The following WNK2 variants were observed in gnomAD, a reference collection of about 807,000 sequenced individuals.
The protein encoded by WNK2 is WNK lysine deficient protein kinase 2, also known as serine/threonine-protein kinase WNK2.
A neutral mutation model predicts 192.1 loss-of-function variants in WNK2; 67 were observed. The ratio of observed to expected loss-of-function variants is 0.35; its 90% CI spans 0.29 to 0.43. The LOEUF (loss-of-function observed/expected upper bound fraction) is 0.43, where lower values mean the gene tolerates loss of function less well. WNK2 is among the 20% of genes least tolerant of loss of function. The probability of loss-of-function intolerance (pLI) is 1.00; values close to 1 mark genes in which losing one functional copy is unlikely to be tolerated. For missense variants in WNK2, 2,698 were observed against 3,089.7 expected, an observed-to-expected ratio of 0.87 and a Z score of 3.01; for synonymous variants, 1,439 against 1,393.9, an observed-to-expected ratio of 1.03 and a Z score of -0.72.
chr9:93,211,909 T>A (rs914277651), intron 2 of WNK2, among the ~76,000 whole-genome samples: 2 of 147,562 alleles, frequency 1.4e-5, no homozygotes, highest in African/African-American at 5.2e-5. Flanking sequence ...TTCACTCCCA[T>A]CCACTCACTC....
intron 4 of WNK2, among the ~76,000 whole-genome samples, chr9:93,232,338 C>T (rs748154090): frequency 8.5e-5 from 13 of 152,166 alleles, no homozygotes; most frequent in Non-Finnish European, 1.5e-4. Flanking sequence ...AGCGTAGGGG[C>T]TGACCCAGGG....
chr9:93,245,920 G>T (rs1841597529), intron 7 of WNK2, among the ~76,000 whole-genome samples: 1 of 152,184 alleles, frequency 6.6e-6, no homozygotes, highest in Admixed American at 6.5e-5. Flanking sequence ...CCTCTGCATA[G>T]GGTCATTTGT....
At chr9:93,211,124 CCTCACTTACTCATCCACTCA>C (rs1834454483) in intron 2 of WNK2, among the ~76,000 whole-genome samples, 1 of 8,720 alleles carries the variant, frequency 1.1e-4, no homozygotes, top group African/African-American at 4.2e-4. Context: ...TCACTCATCC[CCTCACTTACTCATCCACTCA>C]CTTATTCACT....
chr9:93,185,105 C>A lies in WNK2; in HGVS notation c.176C>A (p.Ala59Glu). ...CAGGAGGAGCCGCCGGGCTTGGAGG[C>A]AGCCGAGGCGCCGGGCCCGCAGCCC... ...SDQEEPPGLE[A>E]AEAPGPQPPQ... The change falls in exon 2 of 30, where the codon GCA becomes GAA. Residue 59 changes from alanine (A) to glutamate (E), a missense_variant. By Grantham distance (107) the Ala-to-Glu change is moderately radical (BLOSUM62 -1). This residue lies in a region of WNK2 where 260 missense variants were observed against 285.6 expected (regional missense o/e 0.91). Coordinates refer to ENST00000427277, the MANE Select transcript of WNK2 (RefSeq NM_006648.4). 7.6e-7 allele frequency: 1 copy of A among 1,313,800 alleles called. No individual in the cohort carries two copies. The highest frequency in any genetic ancestry group is 3.4e-5 in the East Asian group (1 of 29,218). 81.4% of individuals were successfully genotyped at this position (1,313,800 alleles called of 1,614,324 possible). A position where few individuals can be genotyped will look rare whatever the true frequency, so the allele number is the denominator to read the frequency against.
At chr9:93,317,915 G>A in intron 29 of WNK2, 2 of 1,598,318 alleles carry the variant, frequency 1.3e-6, no homozygotes, top group Non-Finnish European at 8.5e-7. Context: ...GTGTGGTTTG[G>A]CCTCCGAGTC....
intron 4 of WNK2, 64 bp from the exon 5 acceptor site, chr9:93,234,744 C>T: frequency 1.3e-6 from 2 of 1,556,130 alleles, no homozygotes; most frequent in South Asian, 2.4e-5. Flanking sequence ...TCCCGGGACA[C>T]TGGCTCCAGC....
chr9:93,221,288 C>T (rs1836836601), intron 2 of WNK2, among the ~76,000 whole-genome samples: 1 of 152,198 alleles, frequency 6.6e-6, no homozygotes, highest in Non-Finnish European at 1.5e-5. Flanking sequence ...GCACCACCCC[C>T]ATTGCATGTG....
chr9:93,263,144 GA>G (rs1844568022), intron 14 of WNK2: 1 of 377,046 alleles, frequency 2.7e-6, no homozygotes, highest in African/African-American at 2.1e-5. Context: ...GTCCTTATTT[GA>G]ACTGTGACCA....
intron 23 of WNK2, 25 bp from the exon 24 acceptor site, chr9:93,297,818 AGCCCATCGGC>A: frequency 6.5e-7 from 1 of 1,540,428 alleles, no homozygotes. Flanking sequence ...ACACCGAGGA[AGCCCATCGGC>A]GCTCCCTCCT....
intron 7 of WNK2, among the ~76,000 whole-genome samples, chr9:93,240,937 G>A (rs1365098938): frequency 2.0e-5 from 3 of 152,238 alleles, no homozygotes; most frequent in African/African-American, 4.8e-5. Flanking sequence ...AATGCAGGAC[G>A]TTTCTGGCCT....
chr9:93,319,252 A>T, intron 29 of WNK2: 1 of 1,567,022 alleles, frequency 6.4e-7, no homozygotes, highest in Non-Finnish European at 8.7e-7. Flanking sequence ...TCCATATAAA[A>T]TCCAAAGCAA....
chr9:93,297,927 A>G lies in WNK2; in HGVS notation c.5783A>G (p.Lys1928Arg), dbSNP rs1218282614. 46 of 1,590,168 alleles carry G rather than the reference A, an allele frequency of 2.9e-5. No individual in the cohort carries two copies. Among genetic ancestry groups the G allele is most frequent in the Non-Finnish European group, 3.8e-5 (44 of 1,169,720 alleles). The change falls in exon 24 of 30, where the codon AAG becomes AGG. Residue 1928 changes from lysine to arginine, a missense_variant. Physicochemically the swap from Lys to Arg is conservative, Grantham distance 26 (BLOSUM62 2). Around this residue, in one of 7 missense-constraint regions of WNK2, gnomAD observed 1,098 missense variants for 1,101.0 expected, o/e 1.00. Transcript: ENST00000427277. ...EIEALYRRLG[K>R]PLPPNVGFFH... ...GAAGCTCTGTACCGCCGCCTGGGCA[A>G]GCCACTGCCCCCCAACGTGGGCTTC... is the stretch of plus-strand genomic sequence containing the variant.
intron 23 of WNK2, among the ~76,000 whole-genome samples, chr9:93,294,810 C>T (rs984048694): frequency 6.6e-6 from 1 of 151,876 alleles, no homozygotes; most frequent in African/African-American, 2.4e-5. Flanking sequence ...AGAAGCACCT[C>T]AAAGGAGAGA....
In WNK2 at chr9:93,292,936, C is replaced by A; in HGVS notation, c.5471C>A (p.Ala1824Glu). 1.3e-6 allele frequency: 2 copies of A among 1,528,114 alleles called. No individual in the cohort carries two copies. The highest frequency in any genetic ancestry group is 1.3e-5 in the South Asian group (1 of 79,232). 94.7% of individuals were successfully genotyped at this position (1,528,114 alleles called of 1,614,324 possible). A position where few individuals can be genotyped will look rare whatever the true frequency, so the allele number is the denominator to read the frequency against. ...PRARPPVQKQ[A>E]SLPVSGSVAG... ...GCGAGACCCCCGGTGCAGAAGCAGGCGTCCCTGCCCGTGAGTGGCAGCGTG... is the reference window on the plus strand; with the variant it reads ...GCGAGACCCCCGGTGCAGAAGCAGGAGTCCCTGCCCGTGAGTGGCAGCGTG... Residue 1824 changes from alanine to glutamate, a missense_variant, in exon 23 of 30, where the codon GCG (alanine) becomes GAG (glutamate). Physicochemically the swap from Ala to Glu is moderately radical, Grantham distance 107 (BLOSUM62 -1). Around this residue, in one of 7 missense-constraint regions of WNK2, gnomAD observed 1,098 missense variants for 1,101.0 expected, o/e 1.00. Transcript: ENST00000427277.
intron 19 of WNK2, among the ~76,000 whole-genome samples, chr9:93,270,571 T>A (rs1250827666): frequency 6.6e-6 from 1 of 152,198 alleles, no homozygotes; most frequent in Admixed American, 6.5e-5. Context: ...CCTCTGATAT[T>A]TCCTGGTCTG....
intron 8 of WNK2, among the ~76,000 whole-genome samples, chr9:93,249,709 C>T (rs1041017484): frequency 2.0e-5 from 3 of 151,682 alleles, no homozygotes; most frequent in Non-Finnish European, 2.9e-5. Flanking sequence ...CTCCTGACCT[C>T]GTGATCCGCC....
intron 10 of WNK2, 195 bp downstream of exon 10, chr9:93,256,649 G>C: frequency 1.4e-6 from 1 of 703,722 alleles, no homozygotes; most frequent in Non-Finnish European, 2.3e-6. Context: ...ACGTGTGTGT[G>C]TGTGTTTGTG....
intron 2 of WNK2, among the ~76,000 whole-genome samples, chr9:93,194,756 G>C (rs1017159178): frequency 6.6e-6 from 1 of 152,216 alleles, no homozygotes; most frequent in Non-Finnish European, 1.5e-5. Context: ...CCTGCACACG[G>C]ATGTTTATAG....
chr9:93,273,990 G>A (rs933820213), intron 19 of WNK2, among the ~76,000 whole-genome samples: 2 of 152,140 alleles, frequency 1.3e-5, no homozygotes, highest in Non-Finnish European at 2.9e-5. Flanking sequence ...ATGCTTAGAT[G>A]AGAAAAGAGG....
Sources: gnomAD v4.1 joint callset for allele counts (sites outside exome capture counted in the v4.1 genomes callset) on GRCh38, gnomAD v4.1.1 for gene constraint, gnomAD v4.1.1 regional missense constraint, MANE v1.5 for transcripts, NCBI Gene and HGNC (gene_info 2026-07-23, HGNC 2026-07-21) for gene names.